Variants in PCNT observed in about 807,000 individuals in gnomAD.
PCNT encodes pericentrin.
A neutral mutation model predicts 380.4 loss-of-function variants in PCNT; 319 were observed. That is an observed-to-expected ratio of 0.84 (90% CI 0.77 to 0.92). The LOEUF (loss-of-function observed/expected upper bound fraction) is 0.92. Ranked by LOEUF, PCNT falls within the 40% of genes least tolerant of loss-of-function variation. The pLI is 0.00. For synonymous variants in PCNT, 1,845 were observed against 1,735.2 expected, an observed-to-expected ratio of 1.06 and a Z score of -1.57; for missense variants, 4,400 against 4,255.3, an observed-to-expected ratio of 1.03 and a Z score of -0.95.
chr21:46,419,327 G>A (rs1185871235), intron 31 of PCNT, among the ~76,000 whole-genome samples: 1 of 152,196 alleles, frequency 6.6e-6, no homozygotes, highest in Non-Finnish European at 1.5e-5. Context: ...TGAGCAGCCT[G>A]TGTCCCAGCT....
Position 46,401,602 on chromosome 21 carries a change from A to G in PCNT, c.4843A>G (p.Thr1615Ala), listed in dbSNP as rs1339611684. 1 of 1,613,876 alleles carries G rather than the reference A, an allele frequency of 6.2e-7. No homozygotes were observed. Among genetic ancestry groups the G allele is most frequent in the African/African-American group, 1.3e-5 (1 of 74,952 alleles). ...GATGAGTAGCTTGCTTCTGGCGTCC[A>G]CGTTGCAGTCTACACTAGATGCAGG... ...QQMSSLLLAS[T>A]LQSTLDAGRC... Residue 1615 changes from threonine (T) to alanine (A), a missense_variant, in exon 26 of 47, where the codon ACG becomes GCG. Coordinates refer to ENST00000359568, the MANE Select transcript of PCNT (RefSeq NM_006031.6).
Position 46,391,011 on chromosome 21 carries a change from A to G in PCNT, c.4004-153A>G, listed in dbSNP as rs549916035. Among the ~76,000 whole-genome samples, 437 of 152,326 alleles carry G rather than the reference A, an allele frequency of 2.9e-3. 1 individual carries two copies. Among genetic ancestry groups the G allele is most frequent in the Middle Eastern group, 0.014 (4 of 294 alleles). ...GTGGTCGGGAGCTGCTGCGGCCAGC[A>G]GGGCTGTTGGAGGCCTACACCTGGG... On this transcript the variant is annotated intron_variant, in intron 20 of 46. Transcript: ENST00000359568.
At position 46,444,866 on chromosome 21, in the gene PCNT, G is replaced by C. The variant is rs777270433; in HGVS notation, c.9967+45G>C. On this transcript the variant is annotated intron_variant, in intron 46 of 46. Coordinates refer to ENST00000359568, the MANE Select transcript of PCNT (RefSeq NM_006031.6). ...AGTATTTATTAAGCTGATTATCACT[G>C]TACCCTGGAAACGTAGGGTCTGTTG... 1.1e-5 allele frequency: 18 copies of C among 1,591,654 alleles called. No individual in the cohort carries two copies. In the Admixed American group the frequency reaches 1.8e-4, roughly 16 times the overall value.
intron 1 of PCNT, chr21:46,325,083 C>T (rs1569150586): frequency 7.1e-6 from 7 of 985,510 alleles, no homozygotes; most frequent in Non-Finnish European, 8.4e-6. Flanking sequence ...TGAAAAAGCG[C>T]TCGGTTTGAT....
intron 32 of PCNT, among the ~76,000 whole-genome samples, chr21:46,424,715 C>CT (rs143084490): frequency 5.6e-4 from 27 of 48,474 alleles, no homozygotes; most frequent in Admixed American, 2.9e-3. Flanking sequence ...TCCCACTGCG[C>CT]CCCCCCCAAC....
intron 2 of PCNT, among the ~76,000 whole-genome samples, chr21:46,329,731 A>G (rs1039300756): frequency 2.6e-5 from 4 of 152,236 alleles, no homozygotes; most frequent in Admixed American, 2.6e-4. Flanking sequence ...CAATGGCAAG[A>G]TGGCCAAGGT....
At chr21:46,399,370 G>GCTCTAGGTCTCTCTCTGCAGCCTGTGA (rs2086340766) in intron 24 of PCNT, among the ~76,000 whole-genome samples, 1 of 128,796 alleles carries the variant, frequency 7.8e-6, no homozygotes, top group African/African-American at 3.2e-5. Context: ...TCAGCCTGTG[G>GCTCTAGGTCTCTCTCTGCAGCCTGTGA]GTCTGGGTCT....
chr21:46,420,057 T>A, intron 31 of PCNT, among the ~76,000 whole-genome samples: 1 of 152,192 alleles, frequency 6.6e-6, no homozygotes, highest in Non-Finnish European at 1.5e-5. Flanking sequence ...ATCGCGTGCC[T>A]GTCCACTGCC....
At position 46,412,894 on chromosome 21, in the gene PCNT, G is replaced by T. The variant is rs766930826; in HGVS notation, c.6052G>T (p.Gly2018Cys). ...GGATGCACCTCTCTGCAAGCAAGAAGGCGTGATGTCAGTGCTCACCGTCTG... is the reference window on the plus strand; with the variant it reads ...GGATGCACCTCTCTGCAAGCAAGAATGCGTGATGTCAGTGCTCACCGTCTG... ...LKDAPLCKQE[G>C]VMSVLTVCQR... Residue 2018 changes from glycine to cysteine, a missense_variant, in exon 29 of 47, where the codon GGC (glycine) becomes TGC (cysteine). By Grantham distance (159) the Gly-to-Cys change is radical. Transcript: ENST00000359568. 4 of 1,612,960 alleles carry T rather than the reference G, an allele frequency of 2.5e-6. No individual in the cohort carries two copies. Among genetic ancestry groups the T allele is most frequent in the South Asian group, 2.2e-5 (2 of 91,084 alleles).
At chr21:46,324,954 C>T (rs1032368156) in intron 1 of PCNT, 13 of 981,158 alleles carry the variant, frequency 1.3e-5, no homozygotes, top group Middle Eastern at 1.1e-3. Context: ...TTCCCGCGCC[C>T]TTGGGCTCGC....
At position 46,399,572 on chromosome 21, in the gene PCNT, C is replaced by T; in HGVS notation, c.4585-18C>T. The T allele has an allele frequency of 6.4e-7, 1 of 1,568,674 alleles. No individual in the cohort carries two copies. The highest frequency in any genetic ancestry group is 8.8e-7 in the Non-Finnish European group (1 of 1,138,978). ...AAAACATTCTATTGTATTCCTCAAG[C>T]ATTTTTTGTTGTTTTAGGTTGAGTT... On this transcript the variant is annotated intron_variant, in intron 24 of 46. Coordinates refer to ENST00000359568, the MANE Select transcript of PCNT (RefSeq NM_006031.6).
At chr21:46,374,522 C>T (rs1275896860) in intron 15 of PCNT, among the ~76,000 whole-genome samples, 1 of 152,138 alleles carries the variant, frequency 6.6e-6, no homozygotes, top group Non-Finnish European at 1.5e-5. Flanking sequence ...CTCTCCTGGT[C>T]TCCTGGTCTT....
intron 27 of PCNT, among the ~76,000 whole-genome samples, chr21:46,406,278 TG>T (rs1166380191): frequency 6.6e-6 from 1 of 152,214 alleles, no homozygotes; most frequent in Non-Finnish European, 1.5e-5. Flanking sequence ...ATTCTAACTC[TG>T]GGGTTAGTGA....
rs747019144 is a variant in PCNT at position 46,422,051 on chromosome 21, C to T, written c.7106C>T (p.Ala2369Val). ...EAQTAGPVTP[A>V]SISGRFQPLP... ...CAAACTGCTGGTCCTGTGACCCCTG[C>T]TTCCATCTCTGGAAGGTTTCAGCCG... Residue 2369 changes from alanine to valine, a missense_variant, in exon 32 of 47, where the codon GCT (alanine) becomes GTT (valine). Physicochemically the swap from Ala to Val is moderately conservative, Grantham distance 64. Coordinates refer to ENST00000359568, the MANE Select transcript of PCNT (RefSeq NM_006031.6). 1 of 1,614,046 alleles carries T rather than the reference C, an allele frequency of 6.2e-7. No homozygotes were observed. Among genetic ancestry groups the T allele is most frequent in the South Asian group, 1.1e-5 (1 of 91,086 alleles).
intron 21 of PCNT, among the ~76,000 whole-genome samples, chr21:46,395,449 C>G (rs1222075168): frequency 6.8e-6 from 1 of 146,144 alleles, no homozygotes; most frequent in Non-Finnish European, 1.5e-5. Flanking sequence ...ATAGAGACTT[C>G]AGGACTCAGC....
chr21:46,411,915 G>T lies in PCNT; in HGVS notation c.5842G>T (p.Asp1948Tyr). ...QRFLRCQVEL[D>Y]RRQARRATAH... ...GTTCCTGAGGTGCCAGGTGGAGCTG[G>T]ACAGGCGGCAGGCCCGCAGAGCCAC... The change falls in exon 28 of 47, where the codon GAC (aspartate) becomes TAC (tyrosine). Residue 1948 changes from aspartate (D) to tyrosine (Y), a missense_variant. Asp to Tyr is a radical substitution (Grantham distance 160). Transcript: ENST00000359568. The T allele has an allele frequency of 6.3e-7, 1 of 1,588,414 alleles. No individual in the cohort carries two copies.
intron 27 of PCNT, among the ~76,000 whole-genome samples, chr21:46,403,578 GCACA>G (rs2086514792): frequency 8.0e-6 from 1 of 124,664 alleles, no homozygotes; most frequent in Non-Finnish European, 1.7e-5. Context: ...TGCCCACGTG[GCACA>G]TGCTCGGTGA....
chr21:46,354,416 T>C (rs2084398305), intron 11 of PCNT, among the ~76,000 whole-genome samples: 1 of 152,204 alleles, frequency 6.6e-6, no homozygotes, highest in South Asian at 2.1e-4. Context: ...ACACGGAGCG[T>C]CTGCTGGCTT....
In PCNT at chr21:46,428,467, G is replaced by A. The variant is rs575996069; in HGVS notation, c.7567G>A (p.Ala2523Thr). 5.1e-5 allele frequency: 82 copies of A among 1,612,412 alleles called. 1 individual carries two copies. In the South Asian group the frequency reaches 8.9e-4, roughly 18 times the overall value. ...DRSSLLSEIQ[A>T]LRAQLRMTHL... ...GAGCAGCCTGCTGTCCGAGATCCAG[G>A]CGCTGCGTGCCCAGCTGCGCATGAC... Residue 2523 changes from alanine to threonine, a missense_variant, in exon 35 of 47, where the codon GCG becomes ACG. Transcript: ENST00000359568.
Sources: allele counts gnomAD v4.1 joint callset (sites outside exome capture counted in the v4.1 genomes callset), GRCh38; gene constraint gnomAD v4.1.1; transcripts MANE v1.5; gene names NCBI Gene and HGNC (gene_info 2026-07-23, HGNC 2026-07-21).